Variants in ARHGEF12 observed in about 807,000 individuals in gnomAD.
ARHGEF12 encodes the protein Rho guanine nucleotide exchange factor 12.
In ARHGEF12, 66 loss-of-function variants were observed where a neutral mutation model predicts 211.2. The observed-to-expected ratio is 0.31, with a 90% CI of 0.26 to 0.38. The LOEUF (loss-of-function observed/expected upper bound fraction) is 0.38. Ranked by LOEUF, ARHGEF12 falls within the 10% of genes least tolerant of loss-of-function variation. The probability of loss-of-function intolerance (pLI) is 1.00; values close to 1 mark genes in which losing one functional copy is unlikely to be tolerated. For missense variants in ARHGEF12, 1,429 were observed against 1,869.5 expected (o/e 0.76, Z 4.34); for synonymous variants, 592 against 638.4 (o/e 0.93, Z 1.09).
At chr11:120,362,149 A>T (rs1943295833) in intron 1 of ARHGEF12, among the ~76,000 whole-genome samples, 1 of 152,238 alleles carries the variant, frequency 6.6e-6, no homozygotes, top group Non-Finnish European at 1.5e-5. Context: ...AATACATTTA[A>T]TGAGCTATTA....
chr11:120,389,903 C>T (rs1944161578), intron 1 of ARHGEF12, among the ~76,000 whole-genome samples: 1 of 152,010 alleles, frequency 6.6e-6, no homozygotes, highest in Non-Finnish European at 1.5e-5. Flanking sequence ...GTATATGTAC[C>T]ACATTTTCTT....
At chr11:120,434,349 G>T (rs901128367) in intron 11 of ARHGEF12, among the ~76,000 whole-genome samples, 1 of 152,162 alleles carries the variant, frequency 6.6e-6, no homozygotes, top group Non-Finnish European at 1.5e-5. Context: ...GGAAACTGAG[G>T]CCAAATAAAT....
chr11:120,371,489 A>G (rs918331738), intron 1 of ARHGEF12, among the ~76,000 whole-genome samples: 2 of 152,226 alleles, frequency 1.3e-5, no homozygotes, highest in Non-Finnish European at 2.9e-5. Context: ...CTCCGTCTCA[A>G]AAAACAAAAA....
rs747561387 is a variant in ARHGEF12 at position 120,469,274 on chromosome 11, T to C, written c.2855-14T>C. The C allele has an allele frequency of 6.3e-7, 1 of 1,595,926 alleles. No individual in the cohort carries two copies. The highest frequency in any genetic ancestry group is 8.5e-7 in the Non-Finnish European group (1 of 1,172,140). On this transcript the variant is annotated splice_polypyrimidine_tract_variant and intron_variant, in intron 29 of 40. Coordinates refer to ENST00000397843, the MANE Select transcript of ARHGEF12 (RefSeq NM_015313.3). ...TCAGTTCTTTTACATTTTGGATTTCTTTCCCATATTTAGAATGGCCAACAG... is the reference window on the plus strand; with the variant it reads ...TCAGTTCTTTTACATTTTGGATTTCCTTCCCATATTTAGAATGGCCAACAG...
chr11:120,478,546 A>T (rs1947131643), intron 37 of ARHGEF12, among the ~76,000 whole-genome samples, 157 bp downstream of exon 37: 1 of 152,208 alleles, frequency 6.6e-6, no homozygotes, highest in Admixed American at 6.5e-5. Context: ...AGGCACACAC[A>T]CACATGCCAC....
intron 6 of ARHGEF12, among the ~76,000 whole-genome samples, chr11:120,422,458 C>T (rs796346559): frequency 1.7e-4 from 26 of 152,232 alleles, no homozygotes; most frequent in African/African-American, 6.0e-4. Context: ...ACAAATAAAA[C>T]CAAACCAAAA....
chr11:120,473,040 T>C lies in ARHGEF12; in HGVS notation c.2956-10T>C, dbSNP rs1445203581. The C allele has an allele frequency of 2.5e-6, 4 of 1,613,120 alleles. No individual in the cohort carries two copies. The highest frequency in any genetic ancestry group is 3.4e-6 in the Non-Finnish European group (4 of 1,179,472). ...GCACTAACCTTGGTTCCACCCTGCCTAATTTTCAGCGCCTAGAAGATTATC... is the reference window on the plus strand; with the variant it reads ...GCACTAACCTTGGTTCCACCCTGCCCAATTTTCAGCGCCTAGAAGATTATC... On this transcript the variant is annotated splice_polypyrimidine_tract_variant and intron_variant, in intron 30 of 40. Transcript: ENST00000397843.
intron 1 of ARHGEF12, among the ~76,000 whole-genome samples, chr11:120,372,373 CT>C (rs1163289929): frequency 6.6e-6 from 1 of 152,016 alleles, no homozygotes; most frequent in African/African-American, 2.4e-5. Context: ...GATATACCAT[CT>C]TTAACATTGG....
chr11:120,471,014 T>C (rs11217879), intron 30 of ARHGEF12, among the ~76,000 whole-genome samples: 30,278 of 152,178 alleles, frequency 0.2, 3,312 homozygotes, highest in Non-Finnish European at 0.23. Flanking sequence ...TGGTTATCCA[T>C]TGTGCCTGCC....
chr11:120,435,512 CTT>C (rs61516865), intron 11 of ARHGEF12, among the ~76,000 whole-genome samples: 6 of 106,256 alleles, frequency 5.6e-5, no homozygotes, highest in South Asian at 2.9e-4. Context: ...CCCTGTCAAG[CTT>C]TTTTTTTTTT....
At chr11:120,381,155 C>T (rs1388258323) in intron 1 of ARHGEF12, among the ~76,000 whole-genome samples, 1 of 152,144 alleles carries the variant, frequency 6.6e-6, no homozygotes, top group Non-Finnish European at 1.5e-5. Context: ...TAGGCCCTCT[C>T]AGGGGACAGA....
chr11:120,388,605 A>T (rs1944113306), intron 1 of ARHGEF12, among the ~76,000 whole-genome samples: 1 of 152,196 alleles, frequency 6.6e-6, no homozygotes, highest in Non-Finnish European at 1.5e-5. Flanking sequence ...CAGTTGCTGC[A>T]CAACTTCATT....
At chr11:120,423,714 C>T (rs10892576) in intron 6 of ARHGEF12, among the ~76,000 whole-genome samples, 65,472 of 151,764 alleles carry the variant, frequency 0.43, 14,512 homozygotes, top group African/African-American at 0.53. Flanking sequence ...ACAGTAACTG[C>T]CTCATGGGGC....
intron 18 of ARHGEF12, among the ~76,000 whole-genome samples, chr11:120,447,632 A>C (rs1339473880): frequency 1.3e-5 from 2 of 151,824 alleles, no homozygotes; most frequent in African/African-American, 4.8e-5. Flanking sequence ...AAGCTGGCCA[A>C]CATGGTGAAA....
rs1428096215 is a variant in ARHGEF12, at chr11:120,478,167, G to T, written c.3544G>T (p.Gly1182Ter). The T allele has an allele frequency of 6.2e-7, 1 of 1,611,694 alleles. No homozygotes were observed. The highest frequency in any genetic ancestry group is 1.1e-5 in the South Asian group (1 of 90,986). Reference sequence around the variant, plus strand: ...ATTCCATTGGACAGACAGAGATTTGGGATTAGAATCTACCTTAATATCGTC... The same window carrying T: ...ATTCCATTGGACAGACAGAGATTTGTGATTAGAATCTACCTTAATATCGTC... The part of the protein sequence containing the change: ...TGLQSPDRDL[G>*]LESTLISSKP... The change falls in exon 37 of 41, where the codon GGA becomes TGA. Residue 1182 changes from glycine (G) to a stop codon, truncating the protein, a stop_gained. Transcript: ENST00000397843. LOFTEE classifies it high-confidence loss of function.
rs933217138 is a variant in ARHGEF12, at chr11:120,486,193, G to A, written c.*1116G>A. The A allele has an allele frequency of 8.6e-6, 2 of 233,280 alleles. No individual in the cohort carries two copies. Among genetic ancestry groups the A allele is most frequent in the African/African-American group, 4.4e-5 (2 of 45,316 alleles). 14.5% of individuals were successfully genotyped at this position (233,280 alleles called of 1,614,324 possible). A position where few individuals can be genotyped will look rare whatever the true frequency, so the allele number is the denominator to read the frequency against. Reference sequence around the variant, plus strand: ...ACAGGTACTGCTGATTATAAGGCCAGTAAAATTTTAGTACCTGGAGGTTTG... The same window carrying A: ...ACAGGTACTGCTGATTATAAGGCCAATAAAATTTTAGTACCTGGAGGTTTG... On this transcript the variant is annotated 3_prime_UTR_variant, in exon 41 of 41. Coordinates refer to ENST00000397843, the MANE Select transcript of ARHGEF12 (RefSeq NM_015313.3).
chr11:120,357,610 C>T (rs1410348241), intron 1 of ARHGEF12, among the ~76,000 whole-genome samples: 1 of 152,160 alleles, frequency 6.6e-6, no homozygotes, highest in Admixed American at 6.5e-5. Context: ...CACTCCATCA[C>T]CCAGGCTGGA....
intron 2 of ARHGEF12, 99 bp downstream of exon 2, chr11:120,406,240 T>C: frequency 1.3e-6 from 1 of 775,522 alleles, no homozygotes; most frequent in Non-Finnish European, 1.9e-6. Flanking sequence ...TTTTTGAGAA[T>C]GTGTATTCAA....
At chr11:120,361,562 C>G (rs1194210020) in intron 1 of ARHGEF12, among the ~76,000 whole-genome samples, 1 of 152,144 alleles carries the variant, frequency 6.6e-6, no homozygotes, top group African/African-American at 2.4e-5. Context: ...TTTGTCTACT[C>G]TTTGCTGCCA....
Sources: gnomAD v4.1 joint callset for allele counts (sites outside exome capture counted in the v4.1 genomes callset) on GRCh38, gnomAD v4.1.1 for gene constraint, MANE v1.5 for transcripts, NCBI Gene and HGNC (gene_info 2026-07-23, HGNC 2026-07-21) for gene names.